Variants in GCAT observed in about 807,000 individuals in gnomAD.
GCAT encodes the protein glycine C-acetyltransferase, also known as 2-amino-3-ketobutyrate coenzyme A ligase, mitochondrial.
In GCAT, 26 loss-of-function variants were observed where a neutral mutation model predicts 39.7. That is an observed-to-expected ratio of 0.65 (90% CI 0.48 to 0.91). The LOEUF is 0.91. GCAT is among the 40% of genes least tolerant of loss of function. The probability of loss-of-function intolerance (pLI) is 0.00; values close to 1 mark genes in which losing one functional copy is unlikely to be tolerated. For missense variants in GCAT, 550 were observed against 576.2 expected, an observed-to-expected ratio of 0.95 and a Z score of 0.47; for synonymous variants, 218 against 237.2, an observed-to-expected ratio of 0.92 and a Z score of 0.74.
intron 2 of GCAT, 39 bp downstream of exon 2, chr22:37,810,196 C>T (rs767239470): frequency 4.2e-6 from 6 of 1,431,840 alleles, no homozygotes; most frequent in South Asian, 1.1e-5. Context: ...GGACTGACCC[C>T]AGCTGCCTGC....
intron 4 of GCAT, among the ~76,000 whole-genome samples, chr22:37,814,835 T>G (rs1359084326): frequency 1.3e-5 from 2 of 152,188 alleles, no homozygotes; most frequent in Non-Finnish European, 2.9e-5. Flanking sequence ...AAGGATAGAA[T>G]GTACATGTTG....
rs1922264671 is a variant in GCAT at position 37,816,866 on chromosome 22, ATG to A, written c.*151_*152del. 2.9e-6 allele frequency: 2 copies of A among 701,088 alleles called. No homozygotes were observed. Among genetic ancestry groups the A allele is most frequent in the African/African-American group, 3.6e-5 (2 of 55,878 alleles). The allele number at this position is 701,088 out of a possible 1,614,324, so 43.4% of individuals were successfully genotyped here. On this transcript the variant is annotated 3_prime_UTR_variant, in exon 9 of 9. Coordinates refer to ENST00000248924, the MANE Select transcript of GCAT (RefSeq NM_014291.4). The stretch of plus-strand genomic sequence containing the variant: ...GTGACCTGTGCTGAGGGCTGTGAGA[ATG>A]TGAAACAACAGTGTGAAAATTGGCT...
At chr22:37,813,279 C>G in intron 3 of GCAT, 184 bp from the exon 4 acceptor site, 1 of 729,052 alleles carries the variant, frequency 1.4e-6, no homozygotes, top group Non-Finnish European at 2.5e-6. Flanking sequence ...CTTACTAGAG[C>G]AGGGCGCTGG....
intron 1 of GCAT, among the ~76,000 whole-genome samples, chr22:37,809,777 A>C (rs11089856): frequency 0.27 from 40,734 of 151,788 alleles, 5,960 homozygotes; most frequent in South Asian, 0.37. Context: ...CCATGATTGC[A>C]CCACTGTACT....
Position 37,816,616 on chromosome 22 carries a change from C to G in GCAT, c.1158C>G (p.Ala386=), listed in dbSNP as rs1215412541. 6.2e-7 allele frequency: 1 copy of G among 1,614,046 alleles called. No individual in the cohort carries two copies. Among genetic ancestry groups the G allele is most frequent in the African/African-American group, 1.3e-5 (1 of 74,938 alleles). ...FSYPVVPKGK[A]RIRVQISAVH... is the part of the protein sequence containing the mutation. ...ACCCCGTGGTCCCCAAGGGCAAGGCCCGGATCCGGGTACAGATCTCAGCAG... is the reference window on the plus strand; with the variant it reads ...ACCCCGTGGTCCCCAAGGGCAAGGCGCGGATCCGGGTACAGATCTCAGCAG... Residue 386 remains alanine (A), a synonymous_variant, in exon 9 of 9, where the codon GCC becomes GCG. Coordinates refer to ENST00000248924, the MANE Select transcript of GCAT (RefSeq NM_014291.4).
intron 1 of GCAT, 130 bp from the exon 2 acceptor site, chr22:37,809,896 TG>T (rs1479889425): frequency 1.7e-6 from 2 of 1,165,636 alleles, no homozygotes; most frequent in East Asian, 5.1e-5. Flanking sequence ...TTGAATTTGG[TG>T]CCTCCTCAAT....
At chr22:37,812,678 G>A (rs1482907756) in intron 2 of GCAT, among the ~76,000 whole-genome samples, 1 of 152,186 alleles carries the variant, frequency 6.6e-6, no homozygotes, top group Non-Finnish European at 1.5e-5. Flanking sequence ...TGCCCAGGGA[G>A]GGAACCTAAC....
intron 4 of GCAT, among the ~76,000 whole-genome samples, chr22:37,814,788 G>A (rs1921975585): frequency 6.6e-6 from 1 of 152,204 alleles, no homozygotes. Flanking sequence ...TTGAGTATTA[G>A]CAAGCACCTT....
At chr22:37,811,149 C>T (rs552408602) in intron 2 of GCAT, among the ~76,000 whole-genome samples, 6 of 152,180 alleles carry the variant, frequency 3.9e-5, no homozygotes, top group African/African-American at 1.4e-4. Flanking sequence ...GATAATAGCA[C>T]TTAATAGGAT....
At chr22:37,813,402 C>T (rs144700850) in intron 3 of GCAT, 61 bp from the exon 4 acceptor site, 70 of 1,518,734 alleles carry the variant, frequency 4.6e-5, no homozygotes, top group East Asian at 4.1e-4. Context: ...GCTGGAGTCC[C>T]GGTCAAGGGA....
At chr22:37,808,255 T>G (rs1225704382) in intron 1 of GCAT, 92 bp downstream of exon 1, 8 of 958,382 alleles carry the variant, frequency 8.3e-6, no homozygotes, top group Non-Finnish European at 1.2e-5. Context: ...GCTCCTACAC[T>G]CTTAGCTACT....
chr22:37,816,227 C>T lies in GCAT; in HGVS notation c.1014C>T (p.Gly338=), dbSNP rs748682191. ...TCCGTAGTAAGATGGAAGCTGCTGGCTTCACTATCTCGGGAGCCAGTCACC... is the reference window on the plus strand; with the variant it reads ...TCCGTAGTAAGATGGAAGCTGCTGGTTTCACTATCTCGGGAGCCAGTCACC... The part of the protein sequence containing the change: ...QRFRSKMEAA[G]FTISGASHPI... The change falls in exon 8 of 9, where the codon GGC becomes GGT. Residue 338 remains glycine (G), a synonymous_variant. Coordinates refer to ENST00000248924, the MANE Select transcript of GCAT (RefSeq NM_014291.4). 3.1e-6 allele frequency: 5 copies of T among 1,613,598 alleles called. No individual in the cohort carries two copies. The Middle Eastern group carries it at 6.7e-4, about 216-fold the overall frequency.
chr22:37,815,866 G>T (rs779449799), intron 7 of GCAT, 32 bp downstream of exon 7: 3 of 1,609,656 alleles, frequency 1.9e-6, no homozygotes, highest in Non-Finnish European at 2.5e-6. Context: ...GCTCGGGGGC[G>T]GAGAGACGTG....
Position 37,812,967 on chromosome 22 carries a change from C to G in GCAT, c.408C>G (p.Asp136Glu), listed in dbSNP as rs753336349. 6.2e-7 allele frequency: 1 copy of G among 1,612,870 alleles called. No homozygotes were observed. The highest frequency in any genetic ancestry group is 2.2e-5 in the East Asian group (1 of 44,874). The change falls in exon 3 of 9, where the codon GAC becomes GAG. Residue 136 changes from aspartate to glutamate, a missense_variant. Asp to Glu is a conservative substitution (Grantham distance 45). Transcript: ENST00000248924. Reference sequence around the variant, plus strand: ...CCATCCTCTATCCCAGCTGTTATGACGCCAACGCCGGCCTCTTTGAGGTGT... The same window carrying G: ...CCATCCTCTATCCCAGCTGTTATGAGGCCAACGCCGGCCTCTTTGAGGTGT... ...EDAILYPSCYDANAGLFEALL... is the reference protein window; with the variant it reads ...EDAILYPSCYEANAGLFEALL...
chr22:37,810,570 G>A (rs1921470470), intron 2 of GCAT, among the ~76,000 whole-genome samples: 1 of 141,536 alleles, frequency 7.1e-6, no homozygotes, highest in Admixed American at 7.5e-5. Flanking sequence ...AGGCTGGAGT[G>A]CGGTGGCATG....
chr22:37,812,267 A>G (rs1921683095), intron 2 of GCAT, among the ~76,000 whole-genome samples: 1 of 152,062 alleles, frequency 6.6e-6, no homozygotes, highest in African/African-American at 2.4e-5. Flanking sequence ...ACTTGAGCCC[A>G]GGAGTTCAAG....
intron 2 of GCAT, among the ~76,000 whole-genome samples, chr22:37,811,875 CA>C (rs55770597): frequency 0.013 from 1,532 of 118,666 alleles, 34 homozygotes; most frequent in African/African-American, 0.043. Context: ...AACTCTGTCT[CA>C]AAAAAAAAAA....
intron 1 of GCAT, among the ~76,000 whole-genome samples, chr22:37,809,029 C>A (rs1340887557): frequency 6.6e-6 from 1 of 152,198 alleles, no homozygotes; most frequent in Non-Finnish European, 1.5e-5. Flanking sequence ...CTGACTTATT[C>A]GTGTCAGGCC....
chr22:37,808,010 C>T lies in GCAT; in HGVS notation c.43C>T (p.Pro15Ser), dbSNP rs764374861. The T allele has an allele frequency of 6.5e-7, 1 of 1,544,480 alleles. No individual in the cohort carries two copies. Among genetic ancestry groups the T allele is most frequent in the Non-Finnish European group, 8.7e-7 (1 of 1,145,938 alleles). ...NAWRAALFWVPRGRRAQSALA... is the reference protein window; with the variant it reads ...NAWRAALFWVSRGRRAQSALA... Reference sequence around the variant, plus strand: ...CTGGCGCGCCGCACTCTTCTGGGTGCCCCGCGGCCGCCGCGCACAGTCAGC... The same window carrying T: ...CTGGCGCGCCGCACTCTTCTGGGTGTCCCGCGGCCGCCGCGCACAGTCAGC... The change falls in exon 1 of 9, where the codon CCC becomes TCC. Residue 15 changes from proline to serine, a missense_variant. Transcript: ENST00000248924.
Sources: allele counts gnomAD v4.1 joint callset (sites outside exome capture counted in the v4.1 genomes callset), GRCh38; gene constraint gnomAD v4.1.1; transcripts MANE v1.5; gene names NCBI Gene and HGNC (gene_info 2026-07-23, HGNC 2026-07-21).